UBE2E3: variants seen among roughly 807,000 people sequenced by gnomAD.
UBE2E3 encodes the protein ubiquitin conjugating enzyme E2 E3, also known as ubiquitin-conjugating enzyme E2 E3.
UBE2E3 carries 5 observed loss-of-function variants against 23.6 expected under a neutral mutation model. That is an observed-to-expected ratio of 0.21 (90% CI 0.11 to 0.44). UBE2E3 has a LOEUF of 0.44. Among genes scored for constraint, UBE2E3 ranks in the 20% least tolerant of loss-of-function variants. The pLI, the probability that UBE2E3 is intolerant of heterozygous loss-of-function variation, is 0.99. For synonymous variants in UBE2E3, 78 were observed against 87.5 expected, an observed-to-expected ratio of 0.89 and a Z score of 0.60; for missense variants, 81 against 249.8, an observed-to-expected ratio of 0.32 and a Z score of 4.55.
intron 3 of UBE2E3, among the ~76,000 whole-genome samples, chr2:180,998,093 C>A (rs570018862): frequency 6.6e-6 from 1 of 152,098 alleles, no homozygotes; most frequent in Admixed American, 6.5e-5. Context: ...TGAAACTTGC[C>A]AGACTCAAAG....
chr2:180,993,321 A>G (rs560456191), intron 3 of UBE2E3, among the ~76,000 whole-genome samples: 32 of 152,326 alleles, frequency 2.1e-4, no homozygotes, highest in African/African-American at 7.5e-4. Context: ...TTTGAAAGGA[A>G]CTGTGGTGTA....
intron 4 of UBE2E3, among the ~76,000 whole-genome samples, chr2:181,060,337 CTGTA>C (rs1687107128): frequency 1.3e-5 from 2 of 151,798 alleles, no homozygotes; most frequent in South Asian, 4.2e-4. Flanking sequence ...TTCTGTCTTT[CTGTA>C]TGTATGTGTA....
At chr2:181,047,279 T>A (rs889511863) in intron 3 of UBE2E3, among the ~76,000 whole-genome samples, 1 of 152,158 alleles carries the variant, frequency 6.6e-6, no homozygotes. Flanking sequence ...TTAGGTGTGG[T>A]GGTCTCATCT....
intron 2 of UBE2E3, among the ~76,000 whole-genome samples, chr2:180,982,728 C>T (rs2105561278): frequency 6.6e-6 from 1 of 152,282 alleles, no homozygotes; most frequent in Middle Eastern, 3.4e-3. Context: ...TGCTGCAAAT[C>T]TGCTTACAGT....
At chr2:180,984,003 T>G in intron 2 of UBE2E3, 40 bp from the exon 3 acceptor site, 1 of 1,560,344 alleles carries the variant, frequency 6.4e-7, no homozygotes, top group Non-Finnish European at 8.8e-7. Context: ...TTCTGTAGAC[T>G]ATATCAAATC....
intron 3 of UBE2E3, among the ~76,000 whole-genome samples, chr2:181,011,118 C>T (rs1237219794): frequency 6.6e-6 from 1 of 151,508 alleles, no homozygotes; most frequent in Non-Finnish European, 1.5e-5. Context: ...GCCAGAACAA[C>T]AATTCAGATT....
Position 181,061,775 on chromosome 2 carries a change from C to CT in UBE2E3, c.526+977dup, listed in dbSNP as rs58811030. The stretch of plus-strand genomic sequence containing the variant: ...CACACATTTTGTTTCGTTATGTGAC[C>CT]TTTTTTTTTTTTTTAAGTTGACTTA... On this transcript the variant is annotated intron_variant, in intron 5 of 5. Coordinates refer to ENST00000410062, the MANE Select transcript of UBE2E3 (RefSeq NM_006357.4). 2.4e-4 allele frequency among the ~76,000 whole-genome samples: 35 copies of CT among 144,988 alleles called. 1 individual carries two copies. The Middle Eastern group carries it at 0.014, about 59-fold the overall frequency.
intron 3 of UBE2E3, among the ~76,000 whole-genome samples, chr2:181,040,296 A>G (rs922345285): frequency 6.6e-6 from 1 of 152,244 alleles, no homozygotes; most frequent in Admixed American, 6.5e-5. Context: ...ACCTGTCTCT[A>G]GTTCTGCACA....
chr2:181,049,406 G>T (rs1686762115), intron 3 of UBE2E3, among the ~76,000 whole-genome samples: 1 of 151,948 alleles, frequency 6.6e-6, no homozygotes, highest in South Asian at 2.1e-4. Flanking sequence ...GTTTGTGTGT[G>T]TTTTTTAAAT....
chr2:181,056,561 C>G (rs1686994067), intron 3 of UBE2E3, among the ~76,000 whole-genome samples: 2 of 151,748 alleles, frequency 1.3e-5, no homozygotes, highest in Admixed American at 1.3e-4. Flanking sequence ...TTCATTCTTG[C>G]TAGAGTGAGG....
chr2:181,045,790 C>T (rs537770492), intron 3 of UBE2E3, among the ~76,000 whole-genome samples: 1 of 152,246 alleles, frequency 6.6e-6, no homozygotes, highest in African/African-American at 2.4e-5. Context: ...TTTCTCCACA[C>T]TGTTCCCTCC....
At chr2:181,021,554 CCCTTCCTTCCTT>C (rs749212211) in intron 3 of UBE2E3, among the ~76,000 whole-genome samples, 2 of 47,238 alleles carry the variant, frequency 4.2e-5, no homozygotes, top group Admixed American at 2.4e-4. Flanking sequence ...TAAATATACT[CCCTTCCTTCCTT>C]CCTTCCTCCC....
intron 3 of UBE2E3, among the ~76,000 whole-genome samples, chr2:181,033,030 G>A (rs1686133449): frequency 6.6e-6 from 1 of 152,024 alleles, no homozygotes; most frequent in South Asian, 2.1e-4. Flanking sequence ...AAATAAAAGA[G>A]GACACAAACA....
intron 3 of UBE2E3, among the ~76,000 whole-genome samples, chr2:181,030,750 A>G (rs927939979): frequency 3.3e-5 from 5 of 152,084 alleles, no homozygotes; most frequent in Admixed American, 2.0e-4. Context: ...TCCCATCTCT[A>G]TATTGTATAA....
At chr2:181,007,262 C>A (rs190826792) in intron 3 of UBE2E3, among the ~76,000 whole-genome samples, 40 of 152,286 alleles carry the variant, frequency 2.6e-4, no homozygotes, top group Admixed American at 2.2e-3. Flanking sequence ...AATTTTTGAG[C>A]CTAATTAAAA....
At chr2:181,032,792 T>C (rs1485002281) in intron 3 of UBE2E3, among the ~76,000 whole-genome samples, 1 of 152,172 alleles carries the variant, frequency 6.6e-6, no homozygotes, top group Non-Finnish European at 1.5e-5. Flanking sequence ...AAACACTGTC[T>C]CAGCCCAAAA....
chr2:180,991,944 G>A (rs566109580), intron 3 of UBE2E3, among the ~76,000 whole-genome samples: 1 of 152,330 alleles, frequency 6.6e-6, no homozygotes, highest in South Asian at 2.1e-4. Flanking sequence ...TTGACCTAGA[G>A]TAGCTGGAAC....
Position 181,052,656 on chromosome 2 carries a change from T to A in UBE2E3, c.246-5037T>A, listed in dbSNP as rs186171946. ...AACACCACTAACATTGGCTAGTCCT[T>A]TTTATTGTCTAGCAATAGCCCAGAA... On this transcript the variant is annotated intron_variant, in intron 3 of 5. Coordinates refer to ENST00000410062, the MANE Select transcript of UBE2E3 (RefSeq NM_006357.4). 1.3e-3 allele frequency among the ~76,000 whole-genome samples: 205 copies of A among 151,938 alleles called. 1 individual carries two copies. The highest frequency in any genetic ancestry group is 4.6e-3 in the African/African-American group (191 of 41,486).
chr2:180,988,431 A>G (rs1320804066), intron 3 of UBE2E3, among the ~76,000 whole-genome samples: 1 of 152,202 alleles, frequency 6.6e-6, no homozygotes, highest in Non-Finnish European at 1.5e-5. Context: ...TATTCCTTTT[A>G]AAGGAACATG....
Sources: gnomAD v4.1 joint callset for allele counts (sites outside exome capture counted in the v4.1 genomes callset) on GRCh38, gnomAD v4.1.1 for gene constraint, MANE v1.5 for transcripts, NCBI Gene and HGNC (gene_info 2026-07-23, HGNC 2026-07-21) for gene names.